Variants in TM9SF2 observed in about 807,000 individuals in gnomAD.
TM9SF2 encodes the protein 76 kDa membrane protein.
Under a neutral mutation model 84.9 loss-of-function variants are expected in TM9SF2, and 13 were observed. The observed-to-expected ratio is 0.15, with a 90% CI of 0.10 to 0.24. TM9SF2 has a LOEUF of 0.24. TM9SF2 is among the 10% of genes least tolerant of loss of function. The pLI is 1.00. For missense variants in TM9SF2, 562 were observed against 818.5 expected, an observed-to-expected ratio of 0.69 and a Z score of 3.82; for synonymous variants, 273 against 285.8, an observed-to-expected ratio of 0.96 and a Z score of 0.45.
intron 1 of TM9SF2, among the ~76,000 whole-genome samples, chr13:99,516,760 G>A (rs1434156136): frequency 6.6e-6 from 1 of 152,144 alleles, no homozygotes; most frequent in Admixed American, 6.5e-5. Flanking sequence ...TTAAATTGAT[G>A]GAAGAGGTCC....
In TM9SF2 at chr13:99,559,533, A is replaced by C; in HGVS notation, c.1923A>C (p.Thr641=). The C allele has an allele frequency of 6.3e-7, 1 of 1,584,816 alleles. No homozygotes were observed. The highest frequency in any genetic ancestry group is 2.2e-5 in the East Asian group (1 of 44,692). Residue 641 remains threonine (T), a splice_region_variant and synonymous_variant, in exon 16 of 17, where the codon ACA becomes ACC. Coordinates refer to ENST00000376387, the MANE Select transcript of TM9SF2 (RefSeq NM_004800.3). ...MIMVLIFFLF[T]GTIGFFACFW... ...TGGTTTTGATCTTCTTTCTTTTTACAGGTAAAATTATAATTTAAGTGATTA... is the reference window on the plus strand; with the variant it reads ...TGGTTTTGATCTTCTTTCTTTTTACCGGTAAAATTATAATTTAAGTGATTA...
rs557894451 is a variant in TM9SF2 at position 99,544,170 on chromosome 13, T to A, written c.1150+175T>A. On this transcript the variant is annotated intron_variant, in intron 10 of 16. Coordinates refer to ENST00000376387, the MANE Select transcript of TM9SF2 (RefSeq NM_004800.3). ...TTTGAGACCAGACTGGCCAATATAG[T>A]GAAACCCCGTCTTTCTACTAAAAAT... is the stretch of plus-strand genomic sequence containing the variant. Among the ~76,000 whole-genome samples, 7 of 151,968 alleles carry A rather than the reference T, an allele frequency of 4.6e-5. 1 individual carries two copies. The South Asian group carries it at 1.5e-3, about 32-fold the overall frequency.
At chr13:99,537,428 T>C (rs1024155314) in intron 5 of TM9SF2, among the ~76,000 whole-genome samples, 109 of 152,302 alleles carry the variant, frequency 7.2e-4, no homozygotes, top group African/African-American at 2.6e-3. Context: ...TAAGCATTAG[T>C]GTGCTCATAA....
At chr13:99,562,125 A>T (rs564908313) in intron 16 of TM9SF2, among the ~76,000 whole-genome samples, 48 of 152,270 alleles carry the variant, frequency 3.2e-4, no homozygotes, top group African/African-American at 1.2e-3. Context: ...ACAGTTTGTG[A>T]CAGAGCTGCT....
intron 3 of TM9SF2, 73 bp downstream of exon 3, chr13:99,520,202 TAACTC>T (rs2046153383): frequency 8.5e-6 from 11 of 1,295,464 alleles, no homozygotes; most frequent in Non-Finnish European, 1.2e-5. Context: ...AAGCCTGAGA[TAACTC>T]AGCTATCATT....
At chr13:99,556,574 CT>C (rs35868359) in intron 15 of TM9SF2, among the ~76,000 whole-genome samples, 3,422 of 137,052 alleles carry the variant, frequency 0.025, 141 homozygotes, top group African/African-American at 0.088. Context: ...TACTTCATTC[CT>C]TTTTTTTTTT....
chr13:99,519,948 A>G, intron 2 of TM9SF2, 88 bp from the exon 3 acceptor site: 2 of 1,107,492 alleles, frequency 1.8e-6, no homozygotes, highest in South Asian at 1.4e-5. Flanking sequence ...TACAATGATC[A>G]GTACCTAATC....
At chr13:99,552,548 TATAG>T (rs1161457285) in intron 13 of TM9SF2, among the ~76,000 whole-genome samples, 1 of 152,202 alleles carries the variant, frequency 6.6e-6, no homozygotes, top group African/African-American at 2.4e-5. Flanking sequence ...TAGAAGCTAA[TATAG>T]ATTAATTGGG....
intron 7 of TM9SF2, among the ~76,000 whole-genome samples, chr13:99,539,946 T>C (rs376837962): frequency 1.2e-4 from 18 of 152,354 alleles, no homozygotes; most frequent in African/African-American, 3.1e-4. Flanking sequence ...TAGATTGTCT[T>C]AGAAAATTGA....
At chr13:99,532,511 G>A (rs1244153256) in intron 4 of TM9SF2, among the ~76,000 whole-genome samples, 2 of 151,818 alleles carry the variant, frequency 1.3e-5, no homozygotes, top group African/African-American at 2.4e-5. Flanking sequence ...CCAACATGGC[G>A]AAACCCCATC....
At chr13:99,557,667 T>C (rs1325114970) in intron 15 of TM9SF2, among the ~76,000 whole-genome samples, 1 of 152,140 alleles carries the variant, frequency 6.6e-6, no homozygotes, top group Non-Finnish European at 1.5e-5. Context: ...GGAGGATCGC[T>C]TGAGCCCAGG....
chr13:99,558,429 C>T (rs943024231), intron 15 of TM9SF2, among the ~76,000 whole-genome samples: 2 of 152,164 alleles, frequency 1.3e-5, no homozygotes, highest in Admixed American at 6.5e-5. Flanking sequence ...GTATTGCTGT[C>T]TTAACAGTGT....
Position 99,540,776 on chromosome 13 carries a change from C to G in TM9SF2, c.891C>G (p.Thr297=), listed in dbSNP as rs1047234219. The G allele has an allele frequency of 1.9e-6, 3 of 1,613,484 alleles. No individual in the cohort carries two copies. Among genetic ancestry groups the G allele is most frequent in the African/African-American group, 2.7e-5 (2 of 74,894 alleles). The change falls in exon 8 of 17, where the codon ACC becomes ACG. Residue 297 remains threonine (T), a synonymous_variant. Transcript: ENST00000376387. ...WDYILESMPH[T]HIQWFSIMNS... is the part of the protein sequence containing the mutation. ...ATATTCTGGAGTCTATGCCTCATAC[C>G]CACATTCAGTGGTTTAGGTAAGAGT... is the stretch of plus-strand genomic sequence containing the variant.
intron 4 of TM9SF2, among the ~76,000 whole-genome samples, chr13:99,532,734 T>G (rs1244889159): frequency 6.6e-6 from 1 of 152,228 alleles, no homozygotes; most frequent in East Asian, 1.9e-4. Flanking sequence ...AAAGATTTCA[T>G]TATAATGCCA....
chr13:99,519,036 T>C (rs1163703832), intron 2 of TM9SF2, among the ~76,000 whole-genome samples: 1 of 152,122 alleles, frequency 6.6e-6, no homozygotes, highest in Non-Finnish European at 1.5e-5. Flanking sequence ...TTTAAGAGTT[T>C]TAAAAGAAAA....
At chr13:99,562,491 T>C (rs186958971) in intron 16 of TM9SF2, among the ~76,000 whole-genome samples, 200 bp from the exon 17 acceptor site, 1 of 152,314 alleles carries the variant, frequency 6.6e-6, no homozygotes, top group African/African-American at 2.4e-5. Context: ...AAAAAAGTTC[T>C]ACCAATTTTT....
At chr13:99,535,764 GC>G (rs1234555948) in intron 4 of TM9SF2, among the ~76,000 whole-genome samples, 1 of 152,164 alleles carries the variant, frequency 6.6e-6, no homozygotes, top group Non-Finnish European at 1.5e-5. Flanking sequence ...TAATATAGCT[GC>G]TATATTTTGA....
intron 4 of TM9SF2, among the ~76,000 whole-genome samples, chr13:99,534,535 T>G (rs2046225356): frequency 6.6e-6 from 1 of 152,262 alleles, no homozygotes; most frequent in Non-Finnish European, 1.5e-5. Flanking sequence ...TTCTTTGCTT[T>G]GGGCTGTAAT....
chr13:99,513,130 A>G (rs2046120357), intron 1 of TM9SF2, among the ~76,000 whole-genome samples: 1 of 152,248 alleles, frequency 6.6e-6, no homozygotes, highest in Non-Finnish European at 1.5e-5. Flanking sequence ...TAGGAAGGAA[A>G]TAAAGAACTG....
Sources: allele counts gnomAD v4.1 joint callset (sites outside exome capture counted in the v4.1 genomes callset), GRCh38; gene constraint gnomAD v4.1.1; transcripts MANE v1.5; gene names NCBI Gene and HGNC (gene_info 2026-07-23, HGNC 2026-07-21).